Variants in BNC2 observed in about 807,000 individuals in gnomAD.
BNC2 encodes the protein zinc finger protein basonuclin-2.
BNC2 carries 20 observed loss-of-function variants against 76.3 expected under a neutral mutation model. The ratio of observed to expected loss-of-function variants is 0.26; its 90% CI spans 0.18 to 0.38. The LOEUF (loss-of-function observed/expected upper bound fraction) is 0.38, where lower values mean the gene tolerates loss of function less well. BNC2 is among the 10% of genes least tolerant of loss of function. BNC2 has a pLI of 1.00. For synonymous variants in BNC2, 582 were observed against 514.8 expected (o/e 1.13, Z -1.77); for missense variants, 1,382 against 1,399.8 (o/e 0.99, Z 0.20).
At chr9:16,713,973 C>A (rs1823926334) in intron 3 of BNC2, among the ~76,000 whole-genome samples, 1 of 152,116 alleles carries the variant, frequency 6.6e-6, no homozygotes, top group African/African-American at 2.4e-5. Flanking sequence ...ACTCCAGAGA[C>A]TGAGGTAAGA....
At chr9:16,434,775 C>T (rs1820970338) in intron 6 of BNC2, 7 of 453,070 alleles carry the variant, frequency 1.5e-5, no homozygotes, top group Admixed American at 1.4e-4. Context: ...CATCTGAAGG[C>T]TGGACATAAT....
rs560631261 is a variant in BNC2 at position 16,556,639 on chromosome 9, G to A, written c.434-3874C>T. On this transcript the variant is annotated intron_variant, in intron 4 of 6. Transcript: ENST00000380672. ...AAAAATTAGCTGGGCATGATGGTGC[G>A]CGCCTGTAGTCCCAGTTACTCAGGA... is the stretch of plus-strand genomic sequence containing the variant. 2.0e-4 allele frequency among the ~76,000 whole-genome samples: 29 copies of A among 143,554 alleles called. 1 individual carries two copies. Among genetic ancestry groups the A allele is most frequent in the South Asian group, 8.5e-4 (4 of 4,716 alleles). The allele number at this position is 143,554 out of a possible 152,430, so 94.2% of individuals were successfully genotyped here.
intron 1 of BNC2, among the ~76,000 whole-genome samples, chr9:16,863,545 A>C (rs10962645): frequency 0.11 from 16,465 of 152,146 alleles, 1,164 homozygotes; most frequent in Non-Finnish European, 0.16. Context: ...AAATACAAAA[A>C]TTAGCCAAGC....
chr9:16,793,473 T>C (rs991006768), intron 1 of BNC2, among the ~76,000 whole-genome samples: 3 of 151,946 alleles, frequency 2.0e-5, no homozygotes, highest in Admixed American at 6.6e-5. Flanking sequence ...CAATTCTAGT[T>C]TTCTTTTGTC....
At chr9:16,428,684 A>C (rs1234520979) in intron 6 of BNC2, among the ~76,000 whole-genome samples, 2 of 152,070 alleles carry the variant, frequency 1.3e-5, no homozygotes, top group Non-Finnish European at 2.9e-5. Context: ...TTCTTTCCTA[A>C]GGTAAAGTCA....
At chr9:16,563,406 G>A (rs1382356518) in intron 4 of BNC2, among the ~76,000 whole-genome samples, 1 of 151,872 alleles carries the variant, frequency 6.6e-6, no homozygotes, top group African/African-American at 2.4e-5. Flanking sequence ...ATCACTTGAG[G>A]CCAAGAGTTC....
At chr9:16,607,939 T>C (rs1820429716) in intron 3 of BNC2, among the ~76,000 whole-genome samples, 1 of 152,122 alleles carries the variant, frequency 6.6e-6, no homozygotes, top group African/African-American at 2.4e-5. Context: ...GGATCCCCAA[T>C]TTACTCTTAT....
rs1161276784 is a variant in BNC2, at chr9:16,435,747, C to T, written c.2447G>A (p.Ser816Asn). The change falls in exon 6 of 7, where the codon AGC becomes AAC. Residue 816 changes from serine to asparagine, a missense_variant. This residue lies in a region of BNC2 where 798 missense variants were observed against 775.5 expected (regional missense o/e 1.03). Coordinates refer to ENST00000380672, the MANE Select transcript of BNC2 (RefSeq NM_017637.6). ...ESFTSSLNYG[S>N]PQKFSPEGDL... is the part of the protein sequence containing the mutation. ...ACCTTCTGGGGAGAACTTTTGAGGG[C>T]TGCCATAATTCAGAGACGATGTAAA... is the stretch of plus-strand genomic sequence containing the variant. The T allele has an allele frequency of 6.2e-7, 1 of 1,614,064 alleles. No individual in the cohort carries two copies. The highest frequency in any genetic ancestry group is 1.1e-5 in the South Asian group (1 of 91,068).
At chr9:16,515,129 G>T (rs1485157700) in intron 5 of BNC2, among the ~76,000 whole-genome samples, 1 of 152,184 alleles carries the variant, frequency 6.6e-6, no homozygotes. Flanking sequence ...TATTGCAAGT[G>T]GAAGCAACAT....
At chr9:16,787,910 C>T (rs1038869973) in intron 1 of BNC2, among the ~76,000 whole-genome samples, 7 of 152,068 alleles carry the variant, frequency 4.6e-5, no homozygotes, top group Non-Finnish European at 5.9e-5. Flanking sequence ...GCTTCAGAAC[C>T]GTTACTGAAT....
intron 1 of BNC2, among the ~76,000 whole-genome samples, chr9:16,863,743 A>AAT (rs1445546592): frequency 6.6e-6 from 1 of 152,222 alleles, no homozygotes; most frequent in Non-Finnish European, 1.5e-5. Context: ...GCCTTGCCTA[A>AAT]AAGAGGTAAG....
At chr9:16,472,003 G>C (rs567609152) in intron 5 of BNC2, among the ~76,000 whole-genome samples, 18 of 152,288 alleles carry the variant, frequency 1.2e-4, no homozygotes, top group African/African-American at 3.6e-4. Context: ...TGTAAGAAGT[G>C]CCTTTCACCT....
intron 3 of BNC2, among the ~76,000 whole-genome samples, chr9:16,650,474 C>A (rs1334369810): frequency 6.6e-6 from 1 of 152,090 alleles, no homozygotes; most frequent in Non-Finnish European, 1.5e-5. Context: ...CAAGGTAATT[C>A]CCGTCTGACA....
intron 3 of BNC2, among the ~76,000 whole-genome samples, chr9:16,609,735 C>G (rs1053373163): frequency 1.3e-5 from 2 of 152,166 alleles, no homozygotes; most frequent in Non-Finnish European, 2.9e-5. Context: ...AAGGTCTTCT[C>G]TGCTGGACTT....
chr9:16,833,724 G>A (rs1371200618), intron 1 of BNC2, among the ~76,000 whole-genome samples: 2 of 152,156 alleles, frequency 1.3e-5, no homozygotes, highest in South Asian at 2.1e-4. Context: ...ACTCCAAAGG[G>A]AATGACGGGT....
chr9:16,864,341 T>A (rs1254829423), intron 1 of BNC2, among the ~76,000 whole-genome samples: 1 of 152,228 alleles, frequency 6.6e-6, no homozygotes, highest in Non-Finnish European at 1.5e-5. Context: ...TATGATTTAG[T>A]CAGTACTAAA....
intron 1 of BNC2, among the ~76,000 whole-genome samples, chr9:16,805,390 G>T (rs1380685170): frequency 1.3e-5 from 2 of 151,846 alleles, no homozygotes; most frequent in African/African-American, 2.4e-5. Context: ...ACAATGGCAC[G>T]ATCTCAGCTC....
At chr9:16,513,165 A>G (rs1822799045) in intron 5 of BNC2, among the ~76,000 whole-genome samples, 1 of 152,112 alleles carries the variant, frequency 6.6e-6, no homozygotes, top group South Asian at 2.1e-4. Context: ...GAAAAACATA[A>G]TAATGAAATA....
chr9:16,786,634 C>A (rs1563942813), intron 1 of BNC2, among the ~76,000 whole-genome samples: 1 of 152,134 alleles, frequency 6.6e-6, no homozygotes, highest in Non-Finnish European at 1.5e-5. Flanking sequence ...ATGCATGGGG[C>A]AAGCAAATTT....
Sources: gnomAD v4.1 joint callset for allele counts (sites outside exome capture counted in the v4.1 genomes callset) on GRCh38, gnomAD v4.1.1 for gene constraint, gnomAD v4.1.1 regional missense constraint, MANE v1.5 for transcripts, NCBI Gene and HGNC (gene_info 2026-07-23, HGNC 2026-07-21) for gene names.